Variants in ITPR1 observed in about 807,000 individuals in gnomAD.
The protein encoded by ITPR1 is inositol 1,4,5-trisphosphate-gated calcium channel ITPR1.
Under a neutral mutation model 318.4 loss-of-function variants are expected in ITPR1, and 96 were observed. The observed-to-expected ratio is 0.30, with a 90% CI of 0.26 to 0.36. ITPR1 has a LOEUF of 0.36. Ranked by LOEUF, ITPR1 falls within the 10% of genes least tolerant of loss-of-function variation. ITPR1 has a pLI of 1.00. For synonymous variants in ITPR1, 1,312 were observed against 1,289.9 expected (o/e 1.02, Z -0.37); for missense variants, 2,440 against 3,460.2 (o/e 0.71, Z 7.40).
Position 4,733,133 on chromosome 3 carries a change from G to A in ITPR1, c.5266G>A (p.Val1756Ile), listed in dbSNP as rs763787819. ...TCTGGTCAACCGTTACTATGGAAAC[G>A]TCAGACCTTCGGGACGAAGAGAGAG... ...QVLVNRYYGN[V>I]RPSGRRESLT... The change falls in exon 43 of 62, where the codon GTC (valine) becomes ATC (isoleucine). Residue 1756 changes from valine to isoleucine, a missense_variant. Val to Ile is a conservative substitution (Grantham distance 29). Coordinates refer to ENST00000649015, the MANE Select transcript of ITPR1 (RefSeq NM_001378452.1). 9.3e-6 allele frequency: 15 copies of A among 1,613,716 alleles called. No homozygotes were observed. The highest frequency in any genetic ancestry group is 1.2e-5 in the Non-Finnish European group (14 of 1,179,840).
chr3:4,733,897 G>A (rs530467863), intron 43 of ITPR1, among the ~76,000 whole-genome samples: 4 of 152,340 alleles, frequency 2.6e-5, no homozygotes, highest in South Asian at 4.1e-4. Flanking sequence ...GGAACTCAAA[G>A]GTGGGTCTTA....
At chr3:4,713,813 A>G (rs2041560841) in intron 39 of ITPR1, among the ~76,000 whole-genome samples, 2 of 152,288 alleles carry the variant, frequency 1.3e-5, no homozygotes, top group South Asian at 4.2e-4. Context: ...TGGAGAAGAG[A>G]TGGCCTTTCT....
intron 61 of ITPR1, among the ~76,000 whole-genome samples, chr3:4,845,475 C>G (rs1247766567): frequency 1.3e-5 from 2 of 152,166 alleles, no homozygotes; most frequent in East Asian, 1.9e-4. Flanking sequence ...TTTGAAAGTA[C>G]TTTTTCATTT....
chr3:4,650,409 T>G (rs1435506580), intron 10 of ITPR1, among the ~76,000 whole-genome samples: 3 of 152,192 alleles, frequency 2.0e-5, no homozygotes, highest in Admixed American at 6.5e-5. Context: ...GGATATAGAA[T>G]TCTAGGTAGA....
intron 2 of ITPR1, among the ~76,000 whole-genome samples, chr3:4,499,232 A>G (rs2080836774): frequency 6.6e-6 from 1 of 152,234 alleles, no homozygotes; most frequent in African/African-American, 2.4e-5. Context: ...GCAATGAAAC[A>G]AAACAAAACA....
At position 4,632,935 on chromosome 3, in the gene ITPR1, T is replaced by TC. The variant is rs1232990483; in HGVS notation, c.279+5057_279+5058insC. ...ACTGATGTGACTTTCAGGTCTTTTT[T>TC]TTTTTTTTTTTTTTTTTTTTTTGAG... On this transcript the variant is annotated intron_variant, in intron 5 of 61. Transcript: ENST00000649015. 2.9e-4 allele frequency among the ~76,000 whole-genome samples: 38 copies of TC among 131,680 alleles called. 1 individual carries two copies. In the East Asian group the frequency reaches 7.3e-3, roughly 25 times the overall value. 86.4% of individuals were successfully genotyped at this position (131,680 alleles called of 152,430 possible). A position where few individuals can be genotyped will look rare whatever the true frequency, so the allele number is the denominator to read the frequency against.
At chr3:4,833,643 C>T (rs2050676167) in intron 60 of ITPR1, among the ~76,000 whole-genome samples, 1 of 152,318 alleles carries the variant, frequency 6.6e-6, no homozygotes, top group South Asian at 2.1e-4. Flanking sequence ...TTCTGTTTCC[C>T]TCTAGTCTTC....
intron 2 of ITPR1, among the ~76,000 whole-genome samples, chr3:4,494,911 T>G (rs1003985805): frequency 6.6e-6 from 1 of 152,258 alleles, no homozygotes; most frequent in Non-Finnish European, 1.5e-5. Flanking sequence ...TTTCTAATTT[T>G]GAACGTGTGC....
intron 36 of ITPR1, among the ~76,000 whole-genome samples, chr3:4,705,883 T>A (rs2094746536): frequency 6.6e-6 from 1 of 152,188 alleles, no homozygotes; most frequent in South Asian, 2.1e-4. Flanking sequence ...AGCCATTCAT[T>A]GAGGAAACCC....
chr3:4,513,865 C>A (rs1484492190), intron 2 of ITPR1, among the ~76,000 whole-genome samples: 9 of 152,032 alleles, frequency 5.9e-5, no homozygotes, highest in Admixed American at 5.9e-4. Context: ...GCAGGCAGAT[C>A]ACTTGAGGCC....
chr3:4,680,767 C>A, intron 25 of ITPR1, 76 bp downstream of exon 25: 1 of 1,314,906 alleles, frequency 7.6e-7, no homozygotes, highest in Non-Finnish European at 1.0e-6. Flanking sequence ...CAAACAGTAT[C>A]TTCTAGAAAA....
chr3:4,734,231 C>G (rs916963672), intron 43 of ITPR1, among the ~76,000 whole-genome samples: 2 of 152,206 alleles, frequency 1.3e-5, no homozygotes, highest in African/African-American at 4.8e-5. Context: ...CATAATCTCT[C>G]AAAACCATTC....
intron 3 of ITPR1, among the ~76,000 whole-genome samples, chr3:4,516,851 A>G (rs2082208884): frequency 6.6e-6 from 1 of 152,226 alleles, no homozygotes. Context: ...TCTATATAAA[A>G]GGGAGAGTGC....
At chr3:4,549,985 C>T (rs1167185404) in intron 4 of ITPR1, among the ~76,000 whole-genome samples, 1 of 152,176 alleles carries the variant, frequency 6.6e-6, no homozygotes, top group Non-Finnish European at 1.5e-5. Flanking sequence ...AGATTTTCTT[C>T]TTGAGACAAC....
At chr3:4,714,323 G>A (rs192350053) in intron 39 of ITPR1, among the ~76,000 whole-genome samples, 504 of 152,264 alleles carry the variant, frequency 3.3e-3, no homozygotes, top group Middle Eastern at 6.8e-3. Context: ...TGTGGAGGCC[G>A]TTTCCCTCCT....
intron 44 of ITPR1, among the ~76,000 whole-genome samples, chr3:4,746,934 A>C (rs1424306855): frequency 2.0e-5 from 3 of 152,154 alleles, no homozygotes; most frequent in Non-Finnish European, 4.4e-5. Flanking sequence ...TCAGACTGTA[A>C]ATGTAGAGAT....
At chr3:4,773,352 C>T (rs2046304892) in intron 46 of ITPR1, among the ~76,000 whole-genome samples, 1 of 152,174 alleles carries the variant, frequency 6.6e-6, no homozygotes, top group Non-Finnish European at 1.5e-5. Context: ...GAAATAATCT[C>T]AATTAAATGA....
chr3:4,555,176 G>A (rs2086001977), intron 4 of ITPR1, among the ~76,000 whole-genome samples: 1 of 152,118 alleles, frequency 6.6e-6, no homozygotes, highest in South Asian at 2.1e-4. Context: ...GGTATTTGGG[G>A]GATTGGAATC....
rs745901966 is a variant in ITPR1, at chr3:4,768,644, C to T, written c.5859C>T (p.Gly1953=). 3 of 1,614,020 alleles carry T rather than the reference C, an allele frequency of 1.9e-6. No homozygotes were observed. The highest frequency in any genetic ancestry group is 2.2e-5 in the East Asian group (1 of 44,870). ...DPDDHYQPGE[G]TQATADKAKD... Reference sequence around the variant, plus strand: ...ACGACCACTACCAGCCTGGAGAGGGCACCCAGGCCACTGCCGACAAGGCCA... The same window carrying T: ...ACGACCACTACCAGCCTGGAGAGGGTACCCAGGCCACTGCCGACAAGGCCA... Residue 1953 remains glycine (G), a synonymous_variant, in exon 46 of 62, where the codon GGC becomes GGT. Transcript: ENST00000649015.
Sources: allele counts gnomAD v4.1 joint callset (sites outside exome capture counted in the v4.1 genomes callset), GRCh38; gene constraint gnomAD v4.1.1; transcripts MANE v1.5; gene names NCBI Gene and HGNC (gene_info 2026-07-23, HGNC 2026-07-21).